AOPEP: variants seen among roughly 807,000 people sequenced by gnomAD.
AOPEP encodes the protein aminopeptidase O.
AOPEP carries 77 observed loss-of-function variants against 98.1 expected under a neutral mutation model. That is an observed-to-expected ratio of 0.78 (90% CI 0.65 to 0.95). AOPEP has a LOEUF of 0.95. Ranked by LOEUF, AOPEP falls within the 40% of genes least tolerant of loss-of-function variation. The probability of loss-of-function intolerance (pLI) is 0.00; values close to 1 mark genes in which losing one functional copy is unlikely to be tolerated. For missense variants in AOPEP, 1,024 were observed against 1,024.7 expected (o/e 1.00, Z 0.01); for synonymous variants, 346 against 365.3 (o/e 0.95, Z 0.60).
At chr9:95,111,506 T>TAGAA in the AOPEP span, 1 of 1,613,984 alleles carries the variant, frequency 6.2e-7, no homozygotes, top group Non-Finnish European at 8.5e-7. Context: ...GGGGCCGTAG[T>TAGAA]AGAAGGCCAA....
chr9:94,826,045 GA>G (rs1854456079), intron 5 of AOPEP, among the ~76,000 whole-genome samples: 1 of 151,914 alleles, frequency 6.6e-6, no homozygotes, highest in Non-Finnish European at 1.5e-5. Flanking sequence ...AAAGTTATTA[GA>G]TTTTTTTTTT....
intron 7 of AOPEP, among the ~76,000 whole-genome samples, chr9:94,954,647 G>T (rs2058334966): frequency 6.6e-6 from 1 of 152,146 alleles, no homozygotes; most frequent in Non-Finnish European, 1.5e-5. Context: ...TGAAGTATGT[G>T]ATTCTTGATG....
chr9:94,766,975 T>C (rs1472851421), intron 2 of AOPEP, among the ~76,000 whole-genome samples: 3 of 152,172 alleles, frequency 2.0e-5, no homozygotes, highest in African/African-American at 7.2e-5. Flanking sequence ...CAAAACCAGA[T>C]GTTAAAACAT....
chr9:95,070,512 T>G (rs150516697), intron 14 of AOPEP, among the ~76,000 whole-genome samples: 105 of 152,366 alleles, frequency 6.9e-4, no homozygotes, highest in African/African-American at 2.4e-3. Flanking sequence ...TTCAAAGCAT[T>G]TTATAGCCTC....
At chr9:94,822,005 ACACACACG>A (rs1374095105) in intron 5 of AOPEP, among the ~76,000 whole-genome samples, 2 of 148,892 alleles carry the variant, frequency 1.3e-5, no homozygotes, top group Non-Finnish European at 1.5e-5. Flanking sequence ...ACACACACAC[ACACACACG>A]CAGGCATTCA....
intron 8 of AOPEP, among the ~76,000 whole-genome samples, chr9:94,955,508 C>G (rs2058389776): frequency 1.3e-5 from 2 of 152,260 alleles, no homozygotes. Context: ...CCCTGTACCT[C>G]TGTTCTCCCT....
the AOPEP span, chr9:95,135,572 CA>C: frequency 7.3e-7 from 1 of 1,369,378 alleles, no homozygotes; most frequent in Non-Finnish European, 1.0e-6. Context: ...AAAAAAAGTT[CA>C]AAATGCAATC....
Position 94,771,792 on chromosome 9 carries a change from C to A in AOPEP, c.798-1210C>A, listed in dbSNP as rs74450393. Among the ~76,000 whole-genome samples the A allele has an allele frequency of 8.5e-3, 1,291 of 152,252 alleles. 17 individuals carry two copies. The highest frequency in any genetic ancestry group is 0.03 in the African/African-American group (1,232 of 41,550). ...CTGCCAGATGACTCCTGCCTCATAA[C>A]CCAGTAATCACCCAGCTCCTCCAAT... is the stretch of plus-strand genomic sequence containing the variant. On this transcript the variant is annotated intron_variant, in intron 2 of 16. Transcript: ENST00000375315.
At chr9:95,138,017 G>A in the AOPEP span, among the ~76,000 whole-genome samples, 1 of 152,266 alleles carries the variant, frequency 6.6e-6, no homozygotes, top group Non-Finnish European at 1.5e-5. Context: ...CTCCTGAAAG[G>A]CTGCCAACGG....
chr9:95,052,137 T>C (rs973317909), intron 13 of AOPEP, among the ~76,000 whole-genome samples: 1 of 152,364 alleles, frequency 6.6e-6, no homozygotes, highest in African/African-American at 2.4e-5. Flanking sequence ...AATCACCAGA[T>C]TGTTAATTGA....
the AOPEP span, chr9:95,111,562 T>C: frequency 6.2e-7 from 1 of 1,614,036 alleles, no homozygotes; most frequent in Non-Finnish European, 8.5e-7. Context: ...ACATCAGTAA[T>C]TGCTCTGCCA....
intron 14 of AOPEP, 63 bp downstream of exon 14, chr9:95,060,873 C>A: frequency 2.0e-6 from 2 of 1,023,162 alleles, no homozygotes; most frequent in Non-Finnish European, 3.1e-6. Flanking sequence ...GAATGGTGAT[C>A]CCATTGCAGT....
intron 5 of AOPEP, among the ~76,000 whole-genome samples, chr9:94,811,231 A>G (rs1329191189): frequency 6.6e-6 from 1 of 152,204 alleles, no homozygotes; most frequent in East Asian, 1.9e-4. Context: ...TGACCTTGAC[A>G]GTCAGTTTTA....
intron 5 of AOPEP, among the ~76,000 whole-genome samples, chr9:94,847,152 A>ACACACACACACACACACACACT (rs1448564968): frequency 0.015 from 2,174 of 140,482 alleles, 33 homozygotes; most frequent in Admixed American, 0.035. Context: ...ACACACACAC[A>ACACACACACACACACACACACT]CTCTCTCTGT....
At chr9:94,939,908 C>T (rs2056808127) in intron 7 of AOPEP, among the ~76,000 whole-genome samples, 1 of 152,180 alleles carries the variant, frequency 6.6e-6, no homozygotes, top group Admixed American at 6.5e-5. Context: ...GTTGAATCTG[C>T]AGCTGATTGA....
At chr9:94,902,332 CTG>C (rs2050523030) in intron 5 of AOPEP, among the ~76,000 whole-genome samples, 1 of 152,168 alleles carries the variant, frequency 6.6e-6, no homozygotes, top group South Asian at 2.1e-4. Flanking sequence ...GCTCAGCAAA[CTG>C]AGCTGGAGTG....
Position 94,979,363 on chromosome 9 carries a change from A to G in AOPEP, c.1917-4A>G. On this transcript the variant is annotated splice_polypyrimidine_tract_variant and splice_region_variant and intron_variant, in intron 10 of 16. Coordinates refer to ENST00000375315, the MANE Select transcript of AOPEP (RefSeq NM_001193329.3). ...CTTTACTTTTTGTTGTTTTATTTCT[A>G]AAGGCTTGAGCTGTCTGTTGAAAAC... 1.3e-6 allele frequency: 2 copies of G among 1,592,768 alleles called. No individual in the cohort carries two copies. Among genetic ancestry groups the G allele is most frequent in the Admixed American group, 3.4e-5 (2 of 59,108 alleles).
intron 8 of AOPEP, 23 bp from the exon 9 acceptor site, chr9:94,955,885 T>A: frequency 6.5e-7 from 1 of 1,548,772 alleles, no homozygotes. Context: ...CCTCTTTTTC[T>A]CTCTCTTTTT....
the AOPEP span, chr9:95,114,793 A>C: frequency 3.2e-5 from 37 of 1,147,622 alleles, no homozygotes; most frequent in Non-Finnish European, 4.5e-5. Flanking sequence ...TGACCTGAAG[A>C]GTCTTTGGGA....
Sources: allele counts gnomAD v4.1 joint callset (sites outside exome capture counted in the v4.1 genomes callset), GRCh38; gene constraint gnomAD v4.1.1; transcripts MANE v1.5; gene names NCBI Gene and HGNC (gene_info 2026-07-23, HGNC 2026-07-21).